Variants in TSHZ2 observed in about 807,000 individuals in gnomAD.
TSHZ2 encodes the protein teashirt zinc finger homeobox 2, also known as teashirt homolog 2.
In TSHZ2, 21 loss-of-function variants were observed where a neutral mutation model predicts 74.4. The ratio of observed to expected loss-of-function variants is 0.28; its 90% CI spans 0.20 to 0.41. The LOEUF (loss-of-function observed/expected upper bound fraction) is 0.41, where lower values mean the gene tolerates loss of function less well. Ranked by LOEUF, TSHZ2 falls within the 10% of genes least tolerant of loss-of-function variation. The pLI is 1.00. For missense variants in TSHZ2, 1,244 were observed against 1,293.5 expected (o/e 0.96, Z 0.59); for synonymous variants, 540 against 515.3 (o/e 1.05, Z -0.65).
chr20:53,460,786 G>T (rs1399475989), intron 2 of TSHZ2, among the ~76,000 whole-genome samples: 1 of 152,176 alleles, frequency 6.6e-6, no homozygotes, highest in Non-Finnish European at 1.5e-5. Context: ...CTCAGCCACA[G>T]GTCTGTTGGA....
intron 1 of TSHZ2, among the ~76,000 whole-genome samples, chr20:53,020,976 C>A (rs765821101): frequency 3.3e-5 from 5 of 152,084 alleles, no homozygotes; most frequent in Admixed American, 6.6e-5. Context: ...TAATGTCTAC[C>A]TTTTAGGATA....
chr20:53,295,932 T>A (rs1991370260), intron 2 of TSHZ2, among the ~76,000 whole-genome samples: 1 of 152,012 alleles, frequency 6.6e-6, no homozygotes, highest in African/African-American at 2.4e-5. Context: ...GCTGCCTCTA[T>A]GGACCTCCTA....
At chr20:53,040,895 A>C (rs562608537) in intron 1 of TSHZ2, among the ~76,000 whole-genome samples, 22 of 152,196 alleles carry the variant, frequency 1.4e-4, no homozygotes, top group African/African-American at 5.3e-4. Flanking sequence ...GTATGAGTAA[A>C]TTGGGCTCAG....
At chr20:53,320,801 GGGTTTGGGGCCTGTGGTC>G (rs1979227731) in intron 2 of TSHZ2, among the ~76,000 whole-genome samples, 1 of 152,212 alleles carries the variant, frequency 6.6e-6, no homozygotes, top group African/African-American at 2.4e-5. Context: ...GAAGTAGAAG[GGGTTTGGGGCCTGTGGTC>G]GGGGGACATG....
chr20:53,057,976 T>C (rs924762787), intron 1 of TSHZ2, among the ~76,000 whole-genome samples: 1 of 152,172 alleles, frequency 6.6e-6, no homozygotes, highest in Non-Finnish European at 1.5e-5. Flanking sequence ...ACCAGTTTCA[T>C]GGAGGACGAT....
intron 1 of TSHZ2, among the ~76,000 whole-genome samples, chr20:53,028,885 T>C (rs78826752): frequency 6.6e-6 from 1 of 152,204 alleles, no homozygotes; most frequent in African/African-American, 2.4e-5. Context: ...TGTAATATAA[T>C]GGTGATGTGG....
chr20:53,141,524 T>C (rs768213044), intron 1 of TSHZ2, among the ~76,000 whole-genome samples: 1 of 152,240 alleles, frequency 6.6e-6, no homozygotes, highest in Non-Finnish European at 1.5e-5. Flanking sequence ...AATTACTTCA[T>C]AAATCTTCCC....
chr20:53,417,020 T>G (rs906612039), intron 2 of TSHZ2, among the ~76,000 whole-genome samples: 3 of 152,178 alleles, frequency 2.0e-5, no homozygotes. Context: ...GCAGACTTGT[T>G]CTCTTGTGGG....
chr20:53,463,417 AGGAAGGAAGGAAGGAAGGAGGGAG>A (rs1985450923), intron 2 of TSHZ2, among the ~76,000 whole-genome samples: 1 of 125,782 alleles, frequency 8.0e-6, no homozygotes, highest in Non-Finnish European at 1.7e-5. Context: ...GAAGGAAGGA[AGGAAGGAAGGAAGGAAGGAGGGAG>A]GGAGGGAAGG....
intron 2 of TSHZ2, among the ~76,000 whole-genome samples, chr20:53,481,657 T>C (rs1305399950): frequency 6.6e-6 from 1 of 152,110 alleles, no homozygotes. Flanking sequence ...GGATCTTCTC[T>C]TTACCCTTCT....
intron 1 of TSHZ2, among the ~76,000 whole-genome samples, chr20:53,051,865 C>A (rs1054525440): frequency 1.3e-5 from 2 of 152,158 alleles, no homozygotes; most frequent in African/African-American, 4.8e-5. Flanking sequence ...TAGAACGGAC[C>A]TTTGCAGGAG....
intron 2 of TSHZ2, among the ~76,000 whole-genome samples, chr20:53,303,103 G>T (rs1199772173): frequency 1.3e-5 from 2 of 152,198 alleles, no homozygotes; most frequent in Non-Finnish European, 2.9e-5. Flanking sequence ...AAGAGGCAGA[G>T]CAAGGATTTC....
At chr20:53,267,648 G>C (rs972284037) in intron 2 of TSHZ2, among the ~76,000 whole-genome samples, 1 of 152,140 alleles carries the variant, frequency 6.6e-6, no homozygotes, top group Non-Finnish European at 1.5e-5. Context: ...CCTACAAAGG[G>C]CTGTTTAAAG....
intron 2 of TSHZ2, among the ~76,000 whole-genome samples, chr20:53,462,029 C>G (rs1050507494): frequency 1.3e-5 from 2 of 151,424 alleles, no homozygotes; most frequent in African/African-American, 4.9e-5. Context: ...GTCAGGAGTT[C>G]GAGACCAGCC....
chr20:53,460,773 A>C (rs1311559903), intron 2 of TSHZ2, among the ~76,000 whole-genome samples: 2 of 152,018 alleles, frequency 1.3e-5, no homozygotes, highest in Non-Finnish European at 2.9e-5. Flanking sequence ...AACAGACAGG[A>C]CCCTCAGCCA....
chr20:53,345,910 C>G (rs1980421492), intron 2 of TSHZ2, among the ~76,000 whole-genome samples: 1 of 152,120 alleles, frequency 6.6e-6, no homozygotes, highest in South Asian at 2.1e-4. Flanking sequence ...CCCCTGGGGC[C>G]ATGGCGCTGG....
intron 2 of TSHZ2, among the ~76,000 whole-genome samples, chr20:53,335,545 A>G (rs1979910804): frequency 2.6e-5 from 4 of 152,224 alleles, no homozygotes; most frequent in Admixed American, 2.6e-4. Context: ...GAATCCCACA[A>G]ACTTCTGTTA....
At chr20:53,199,792 G>A (rs1231571444) in intron 1 of TSHZ2, among the ~76,000 whole-genome samples, 1 of 152,174 alleles carries the variant, frequency 6.6e-6, no homozygotes, top group Non-Finnish European at 1.5e-5. Flanking sequence ...GTATATCGGG[G>A]GCAGGAAGCG....
At chr20:53,049,840 G>A (rs1433825236) in intron 1 of TSHZ2, among the ~76,000 whole-genome samples, 1 of 152,022 alleles carries the variant, frequency 6.6e-6, no homozygotes, top group Non-Finnish European at 1.5e-5. Flanking sequence ...TCAGCACTTT[G>A]GGAAGCCAAG....
Sources: gnomAD v4.1 joint callset for allele counts (sites outside exome capture counted in the v4.1 genomes callset) on GRCh38, gnomAD v4.1.1 for gene constraint, MANE v1.5 for transcripts, NCBI Gene and HGNC (gene_info 2026-07-23, HGNC 2026-07-21) for gene names.